The following EPHA6 variants were observed in gnomAD, a reference collection of about 807,000 sequenced individuals.
EPHA6 encodes the protein EPH receptor A6.
A neutral mutation model predicts 112.0 loss-of-function variants in EPHA6; 50 were observed. That is an observed-to-expected ratio of 0.45 (90% confidence interval 0.36 to 0.56). The LOEUF is 0.56. EPHA6 is among the 20% of genes least tolerant of loss of function. The probability of loss-of-function intolerance (pLI) is 0.00; values close to 1 mark genes in which losing one functional copy is unlikely to be tolerated. For synonymous variants in EPHA6, 529 were observed against 490.7 expected (o/e 1.08, Z -1.03); for missense variants, 1,280 against 1,417.4 (o/e 0.90, Z 1.56).
In EPHA6 at chr3:97,549,785, T is replaced by C. The variant is rs527944020; in HGVS notation, c.2386+17242T>C. ...AGCATCATGCTACTGCACTCCAGCC[T>C]GGGCGACAAGGCGAGACTCTGTCTC... On this transcript the variant is annotated intron_variant, in intron 11 of 17. Transcript: ENST00000389672. Among the ~76,000 whole-genome samples the C allele has an allele frequency of 8.4e-4, 128 of 152,064 alleles. 1 individual carries two copies. Among genetic ancestry groups the C allele is most frequent in the African/African-American group, 2.9e-3 (122 of 41,458 alleles).
intron 12 of EPHA6, among the ~76,000 whole-genome samples, chr3:97,609,096 A>T (rs890478144): frequency 6.6e-6 from 1 of 151,366 alleles, no homozygotes; most frequent in Admixed American, 6.6e-5. Flanking sequence ...TAAAGAAAAT[A>T]AAAACTAAAA....
In EPHA6 at chr3:97,759,070, T is replaced by C. The variant is rs1403295890; in HGVS notation, c.*10369T>C. On this transcript the variant is annotated 3_prime_UTR_variant, in exon 18 of 18. Coordinates refer to ENST00000389672, the MANE Select transcript of EPHA6 (RefSeq NM_001080448.3). ...AGGATTGCACTATATGCTATTCCAA[T>C]GTTTAATAGGCAGATAATTAGAATT... 2.0e-5 allele frequency among the ~76,000 whole-genome samples: 3 copies of C among 152,038 alleles called. No homozygotes were observed. Among genetic ancestry groups the C allele is most frequent in the African/African-American group, 7.2e-5 (3 of 41,438 alleles).
At position 97,217,598 on chromosome 3, in the gene EPHA6, C is replaced by T. The variant is rs62265115; in HGVS notation, c.1115-8666C>T. ...CCTAAAATGAAGAGGTATAAGAAAA[C>T]TTCTGGGATTGACAGATATATTCGC... On this transcript the variant is annotated intron_variant, in intron 3 of 17. Coordinates refer to ENST00000389672, the MANE Select transcript of EPHA6 (RefSeq NM_001080448.3). 1.0e-2 allele frequency among the ~76,000 whole-genome samples: 1,516 copies of T among 152,216 alleles called. 18 individuals carry two copies. The highest frequency in any genetic ancestry group is 0.041 in the Middle Eastern group (12 of 294).
In EPHA6 at chr3:97,132,288, C is replaced by T. The variant is rs2075649322; in HGVS notation, c.1115-93976C>T. On this transcript the variant is annotated intron_variant, in intron 3 of 17. Transcript: ENST00000389672. ...GTTTCAAGGTCTTGTAGACACATACCGTACTTTCCAAGAGAGGCGCTCAGG... is the reference window on the plus strand; with the variant it reads ...GTTTCAAGGTCTTGTAGACACATACTGTACTTTCCAAGAGAGGCGCTCAGG... 2.0e-5 allele frequency among the ~76,000 whole-genome samples: 3 copies of T among 151,956 alleles called. No individual in the cohort carries two copies. In the South Asian group the frequency reaches 6.2e-4, roughly 31 times the overall value.
At chr3:97,198,523 A>G (rs1352249945) in intron 3 of EPHA6, among the ~76,000 whole-genome samples, 3 of 128,222 alleles carry the variant, frequency 2.3e-5, no homozygotes, top group African/African-American at 7.4e-5. Context: ...ACTGTGGCAT[A>G]CAAGCACTCT....
intron 5 of EPHA6, among the ~76,000 whole-genome samples, chr3:97,358,104 A>T (rs2084178084): frequency 6.6e-6 from 1 of 152,014 alleles, no homozygotes; most frequent in African/African-American, 2.4e-5. Context: ...GGTCAACTGT[A>T]CCTCTGTCAC....
intron 3 of EPHA6, among the ~76,000 whole-genome samples, chr3:97,219,747 G>A (rs1203561316): frequency 6.6e-6 from 1 of 152,164 alleles, no homozygotes; most frequent in Non-Finnish European, 1.5e-5. Flanking sequence ...TTAACATTCA[G>A]CTCCTTGTTA....
chr3:97,063,353 A>G (rs1294898733), intron 3 of EPHA6, among the ~76,000 whole-genome samples: 2 of 152,246 alleles, frequency 1.3e-5, no homozygotes, highest in African/African-American at 4.8e-5. Context: ...CATATACACC[A>G]TGGAATACTA....
At chr3:97,062,870 T>C (rs1358779142) in intron 3 of EPHA6, among the ~76,000 whole-genome samples, 1 of 151,910 alleles carries the variant, frequency 6.6e-6, no homozygotes, top group Non-Finnish European at 1.5e-5. Flanking sequence ...ATCAGCAGTG[T>C]GAAAACGGAC....
At chr3:97,108,420 T>C (rs1378759169) in intron 3 of EPHA6, among the ~76,000 whole-genome samples, 1 of 152,184 alleles carries the variant, frequency 6.6e-6, no homozygotes, top group Non-Finnish European at 1.5e-5. Context: ...CAGAATGAGC[T>C]GCAGCAAATG....
intron 3 of EPHA6, among the ~76,000 whole-genome samples, chr3:97,060,889 A>G (rs1454400727): frequency 7.4e-6 from 1 of 134,560 alleles, no homozygotes; most frequent in African/African-American, 2.9e-5. Flanking sequence ...GCGCCTCTGC[A>G]TTCCAGCCTG....
Position 97,509,894 on chromosome 3 carries a change from A to AT in EPHA6, c.2201-22458dup, listed in dbSNP as rs1012417303. 4.6e-5 allele frequency among the ~76,000 whole-genome samples: 7 copies of AT among 151,666 alleles called. No individual in the cohort carries two copies. The South Asian group carries it at 1.5e-3, about 32-fold the overall frequency. ...GAGGCTTTGTTCATTCCTTTTCATT[A>AT]TTTTTTCTCTAATCTTGTCTTCATG... On this transcript the variant is annotated intron_variant, in intron 10 of 17. Transcript: ENST00000389672.
chr3:96,906,640 G>A (rs2038950137), intron 2 of EPHA6, among the ~76,000 whole-genome samples: 2 of 151,970 alleles, frequency 1.3e-5, no homozygotes, highest in Non-Finnish European at 2.9e-5. Context: ...CACATCATTT[G>A]TTCTTTGTCA....
intron 14 of EPHA6, among the ~76,000 whole-genome samples, chr3:97,677,936 G>T (rs1200986270): frequency 6.6e-6 from 1 of 151,896 alleles, no homozygotes; most frequent in Non-Finnish European, 1.5e-5. Flanking sequence ...TGAATTAAGG[G>T]GACATTAATT....
intron 3 of EPHA6, among the ~76,000 whole-genome samples, chr3:97,008,258 G>A (rs941924951): frequency 3.3e-5 from 5 of 151,918 alleles, no homozygotes; most frequent in Middle Eastern, 3.2e-3. Flanking sequence ...TCATAGGTTC[G>A]GTCTTTTTAT....
intron 11 of EPHA6, among the ~76,000 whole-genome samples, chr3:97,542,280 T>C (rs1324505819): frequency 1.3e-5 from 2 of 152,046 alleles, no homozygotes; most frequent in Non-Finnish European, 2.9e-5. Context: ...GTGTGTGATG[T>C]TTCCCTTCCT....
chr3:97,425,306 C>T (rs1361092667), intron 6 of EPHA6, among the ~76,000 whole-genome samples: 1 of 152,238 alleles, frequency 6.6e-6, no homozygotes, highest in East Asian at 1.9e-4. Flanking sequence ...TTCATCCCTG[C>T]AGCACAGCTC....
In EPHA6 at chr3:97,479,326, C is replaced by A; in HGVS notation, c.2036C>A (p.Ser679Ter). 1 of 1,603,422 alleles carries A rather than the reference C, an allele frequency of 6.2e-7. No individual in the cohort carries two copies. The highest frequency in any genetic ancestry group is 1.1e-5 in the South Asian group (1 of 88,648). ...CQWYIKAKMK[S>*]EEKRRNHLQN... ...TGGTACATAAAAGCCAAGATGAAGTCAGAAGAGAAGAGAAGAAACCACTTA... is the reference window on the plus strand; with the variant it reads ...TGGTACATAAAAGCCAAGATGAAGTAAGAAGAGAAGAGAAGAAACCACTTA... Residue 679 changes from serine (S) to a stop codon, truncating the protein, a stop_gained, in exon 9 of 18, where the codon TCA becomes TAA. Coordinates refer to ENST00000389672, the MANE Select transcript of EPHA6 (RefSeq NM_001080448.3). LOFTEE classifies it high-confidence loss of function.
chr3:97,503,401 C>G (rs548444916), intron 10 of EPHA6, among the ~76,000 whole-genome samples: 29 of 152,258 alleles, frequency 1.9e-4, no homozygotes, highest in Admixed American at 5.9e-4. Flanking sequence ...TTTGACTTAC[C>G]ATTCTCCCTC....
Sources: gnomAD v4.1 joint callset for allele counts (sites outside exome capture counted in the v4.1 genomes callset) on GRCh38, gnomAD v4.1.1 for gene constraint, MANE v1.5 for transcripts, NCBI Gene and HGNC (gene_info 2026-07-23, HGNC 2026-07-21) for gene names.